MYLK4: variants seen among roughly 807,000 people sequenced by gnomAD.
MYLK4 encodes the protein myosin light chain kinase family member 4, also known as caMLCK like.
Under a neutral mutation model 48.1 loss-of-function variants are expected in MYLK4, and 46 were observed. The observed-to-expected ratio is 0.96, with a 90% CI of 0.75 to 1.22. The LOEUF is 1.22. Among genes scored for constraint, MYLK4 ranks in the 50% most tolerant of loss-of-function variants. MYLK4 has a pLI of 0.00. For missense variants in MYLK4, 451 were observed against 486.1 expected (o/e 0.93, Z 0.68); for synonymous variants, 170 against 180.8 (o/e 0.94, Z 0.48).
intron 7 of MYLK4, among the ~76,000 whole-genome samples, chr6:2,681,344 A>G (rs1016517093): frequency 6.6e-6 from 1 of 152,214 alleles, no homozygotes; most frequent in Non-Finnish European, 1.5e-5. Context: ...GTTGGGCAGA[A>G]TATCTTTGGA....
At chr6:2,718,271 C>CA (rs368255664) in intron 2 of MYLK4, among the ~76,000 whole-genome samples, 543 of 152,216 alleles carry the variant, frequency 3.6e-3, no homozygotes, top group African/African-American at 0.012. Flanking sequence ...CAAGAATCCC[C>CA]ACCATGCTCA....
chr6:2,672,991 AATTT>A lies in MYLK4; in HGVS notation c.1120-1647_1120-1644del, dbSNP rs1408438616. On this transcript the variant is annotated intron_variant, in intron 11 of 12. Coordinates refer to ENST00000274643, the MANE Select transcript of MYLK4 (RefSeq NM_001012418.5). The surrounding 1 kb of genome is among the most constrained non-coding windows in gnomAD (Gnocchi z 4.3). ...TGTAATAACTAGATTTATAAAATGA[AATTT>A]ATTTTTCATTAAAAAAAACCCATCA... Among the ~76,000 whole-genome samples the A allele has an allele frequency of 3.3e-5, 5 of 152,222 alleles. No individual in the cohort carries two copies. Among genetic ancestry groups the A allele is most frequent in the Non-Finnish European group, 7.3e-5 (5 of 68,042 alleles).
At chr6:2,768,994 T>G in the MYLK4 span, 1 of 1,129,756 alleles carries the variant, frequency 8.9e-7, no homozygotes, top group African/African-American at 1.6e-5. Context: ...CAAAGAAGCG[T>G]AGGCTTGTGA....
At chr6:2,743,951 C>T (rs17214342) in intron 2 of MYLK4, 29,252 of 398,662 alleles carry the variant, frequency 0.073, 1,250 homozygotes, top group Non-Finnish European at 0.093. Context: ...CATCACGAAC[C>T]GGATCAAGCA....
At chr6:2,687,052 C>T (rs1761585135) in intron 4 of MYLK4, among the ~76,000 whole-genome samples, 1 of 152,162 alleles carries the variant, frequency 6.6e-6, no homozygotes, top group African/African-American at 2.4e-5. Flanking sequence ...CAGTGATAAC[C>T]TTATGCTCAT....
At chr6:2,707,908 G>C (rs565554995) in intron 2 of MYLK4, among the ~76,000 whole-genome samples, 1 of 151,966 alleles carries the variant, frequency 6.6e-6, no homozygotes, top group South Asian at 2.1e-4. Context: ...TGTATTTTTA[G>C]TGAAATAGCA....
intron 2 of MYLK4, among the ~76,000 whole-genome samples, chr6:2,693,906 T>C (rs6933526): frequency 0.025 from 3,835 of 152,144 alleles, 152 homozygotes; most frequent in African/African-American, 0.087. Flanking sequence ...TACAGGCATG[T>C]ACCACCATGC....
At chr6:2,692,894 A>G in intron 2 of MYLK4, 35 bp from the exon 3 acceptor site, 1 of 1,592,986 alleles carries the variant, frequency 6.3e-7, no homozygotes, top group Non-Finnish European at 8.6e-7. Flanking sequence ...GAAGTTACAT[A>G]TCACATCTGG....
At chr6:2,683,504 C>T (rs1354387662) in intron 6 of MYLK4, among the ~76,000 whole-genome samples, 1 of 151,716 alleles carries the variant, frequency 6.6e-6, no homozygotes, top group Non-Finnish European at 1.5e-5. Context: ...ACTGCAATCT[C>T]CGCCTCCCAG....
intron 2 of MYLK4, among the ~76,000 whole-genome samples, chr6:2,694,646 G>A (rs1465316020): frequency 2.0e-5 from 3 of 150,824 alleles, no homozygotes; most frequent in Admixed American, 6.6e-5. Flanking sequence ...TGATGGTGAC[G>A]GTCATGGTGA....
At chr6:2,734,915 C>A (rs1158559068) in intron 2 of MYLK4, among the ~76,000 whole-genome samples, 1 of 152,140 alleles carries the variant, frequency 6.6e-6, no homozygotes, top group Non-Finnish European at 1.5e-5. Flanking sequence ...GCCCGAGAGC[C>A]TGCATTTGTA....
At chr6:2,730,739 T>TAA (rs11433364) in intron 2 of MYLK4, among the ~76,000 whole-genome samples, 9 of 151,910 alleles carry the variant, frequency 5.9e-5, no homozygotes, top group African/African-American at 2.2e-4. Context: ...TTATTCATCT[T>TAA]AAAAAAATAC....
chr6:2,720,405 A>T (rs1763027439), intron 2 of MYLK4, among the ~76,000 whole-genome samples: 1 of 37,348 alleles, frequency 2.7e-5, no homozygotes, highest in Non-Finnish European at 5.6e-5. Flanking sequence ...TCCATCTAAA[A>T]ACAAAAAAAA....
At chr6:2,725,405 G>T (rs905367769) in intron 2 of MYLK4, among the ~76,000 whole-genome samples, 1 of 151,998 alleles carries the variant, frequency 6.6e-6, no homozygotes, top group Admixed American at 6.6e-5. Flanking sequence ...GTTCAAGGCT[G>T]CAATGAGCTA....
At position 2,685,714 on chromosome 6, in the gene MYLK4, G is replaced by A. The variant is rs1001308542; in HGVS notation, c.342-138C>T. Reference sequence around the variant, plus strand: ...GGAGTTCTTTCAGTAAACTTCTAGAGCAGTATTTGTCAACATGTGGTGTGT... The same window carrying A: ...GGAGTTCTTTCAGTAAACTTCTAGAACAGTATTTGTCAACATGTGGTGTGT... On this transcript the variant is annotated intron_variant, in intron 4 of 12. Coordinates refer to ENST00000274643, the MANE Select transcript of MYLK4 (RefSeq NM_001012418.5). This position sits in a 1 kb window ranked among gnomAD's most constrained non-coding sequence, Gnocchi z 4.5. 2.9e-6 allele frequency: 2 copies of A among 685,574 alleles called. No individual in the cohort carries two copies. Among genetic ancestry groups the A allele is most frequent in the African/African-American group, 1.8e-5 (1 of 55,928 alleles). 42.5% of individuals were successfully genotyped at this position (685,574 alleles called of 1,614,324 possible).
At chr6:2,671,780 G>A (rs146048079) in intron 11 of MYLK4, among the ~76,000 whole-genome samples, 1 of 152,330 alleles carries the variant, frequency 6.6e-6, no homozygotes, top group African/African-American at 2.4e-5. Flanking sequence ...ATTCCACAAA[G>A]AGATTCAAGA....
At chr6:2,735,316 C>T (rs765254248) in intron 2 of MYLK4, among the ~76,000 whole-genome samples, 7 of 152,148 alleles carry the variant, frequency 4.6e-5, no homozygotes, top group Non-Finnish European at 8.8e-5. Flanking sequence ...GCATGTCAGG[C>T]CACTTTGACT....
At chr6:2,688,706 G>A (rs1172093339) in intron 4 of MYLK4, 145 bp downstream of exon 4, 2 of 686,142 alleles carry the variant, frequency 2.9e-6, no homozygotes, top group Non-Finnish European at 5.1e-6. Context: ...TGGCATCAGT[G>A]ACAATTTTCA....
intron 2 of MYLK4, among the ~76,000 whole-genome samples, chr6:2,745,155 T>A (rs112388382): frequency 0.024 from 3,672 of 152,242 alleles, 61 homozygotes; most frequent in Non-Finnish European, 0.026. Flanking sequence ...GCCGAATGGT[T>A]GGCTGAGAAT....
Sources: gnomAD v4.1 joint callset for allele counts (sites outside exome capture counted in the v4.1 genomes callset) on GRCh38, gnomAD v4.1.1 for gene constraint, Gnocchi (gnomAD v3.1) non-coding constraint, MANE v1.5 for transcripts, NCBI Gene and HGNC (gene_info 2026-07-23, HGNC 2026-07-21) for gene names.